The following RGCC variants were observed in gnomAD, a reference collection of about 807,000 sequenced individuals.
RGCC encodes regulator of cell cycle RGCC.
In RGCC, 15 loss-of-function variants were observed where a neutral mutation model predicts 15.4. The ratio of observed to expected loss-of-function variants is 0.97; its 90% confidence interval spans 0.65 to 1.50. The LOEUF (loss-of-function observed/expected upper bound fraction) is 1.50. Among genes scored for constraint, RGCC ranks in the 40% most tolerant of loss-of-function variants. RGCC has a pLI of 0.00. For synonymous variants in RGCC, 81 were observed against 78.0 expected, an observed-to-expected ratio of 1.04 and a Z score of -0.20; for missense variants, 176 against 189.7, an observed-to-expected ratio of 0.93 and a Z score of 0.42.
At chr13:41,468,925 C>T in intron 4 of RGCC, 87 bp downstream of exon 4, 1 of 1,056,564 alleles carries the variant, frequency 9.5e-7, no homozygotes, top group South Asian at 1.4e-5. Flanking sequence ...CCAGCTTGCC[C>T]TGGGGCAGAA....
At chr13:41,465,841 T>C (rs999787801) in intron 2 of RGCC, among the ~76,000 whole-genome samples, 3 of 152,024 alleles carry the variant, frequency 2.0e-5, no homozygotes, top group African/African-American at 7.2e-5. Flanking sequence ...AGAGCAAAGA[T>C]CTCTCTTGAG....
chr13:41,458,304 G>T lies in RGCC; in HGVS notation c.69G>T (p.Ala23=). Residue 23 remains alanine (A), a synonymous_variant, in exon 2 of 5, where the codon GCG becomes GCT. Transcript: ENST00000379359. This position sits in a 1 kb window ranked among gnomAD's most constrained non-coding sequence, Gnocchi z 4.4. ...CCGCAGCCCCGGCCCTGGACTCGGC[G>T]GCCGCGGAGGACCTGTCGGACGCGC... ...AAAAAPALDS[A]AAEDLSDALC... 5 of 1,579,234 alleles carry T rather than the reference G, an allele frequency of 3.2e-6. No homozygotes were observed. The highest frequency in any genetic ancestry group is 3.4e-6 in the Non-Finnish European group (4 of 1,169,930).
At chr13:41,470,403 G>C in intron 4 of RGCC, 75 bp from the exon 5 acceptor site, 1 of 1,460,116 alleles carries the variant, frequency 6.8e-7, no homozygotes, top group Non-Finnish European at 9.6e-7. Flanking sequence ...ATGCACGTCT[G>C]AGACAGTGTG....
chr13:41,457,726 C>G lies in RGCC; in HGVS notation c.19C>G (p.Gln7Glu). 1 of 1,427,398 alleles carries G rather than the reference C, an allele frequency of 7.0e-7. No individual in the cohort carries two copies. Among genetic ancestry groups the G allele is most frequent in the South Asian group, 1.5e-5 (1 of 66,260 alleles). 88.4% of individuals were successfully genotyped at this position (1,427,398 alleles called of 1,614,324 possible). The change falls in exon 1 of 5, where the codon CAG becomes GAG. Residue 7 changes from glutamine (Q) to glutamate (E), a missense_variant. Gln to Glu is a conservative substitution (Grantham distance 29). Coordinates refer to ENST00000379359, the MANE Select transcript of RGCC (RefSeq NM_014059.3). The surrounding 1 kb of genome is among the most constrained non-coding windows in gnomAD (Gnocchi z 4.9). MKPPAAQGSPAAAAAAA... is the reference protein window; with the variant it reads MKPPAAEGSPAAAAAAA... ...CCGCCTCATGAAGCCGCCCGCGGCG[C>G]AGGGCAGCCCCGCGGCCGCCGCGGC... is the stretch of plus-strand genomic sequence containing the variant.
At chr13:41,462,605 G>T (rs570424830) in intron 2 of RGCC, among the ~76,000 whole-genome samples, 2 of 152,134 alleles carry the variant, frequency 1.3e-5, no homozygotes, top group African/African-American at 4.8e-5. Flanking sequence ...TAGGTCCTTC[G>T]AGCCCCTATT....
chr13:41,457,737 C>A lies in RGCC; in HGVS notation c.30C>A (p.Pro10=), dbSNP rs2043799630. 2 of 1,401,620 alleles carry A rather than the reference C, an allele frequency of 1.4e-6. No individual in the cohort carries two copies. Among genetic ancestry groups the A allele is most frequent in the Non-Finnish European group, 9.2e-7 (1 of 1,083,076 alleles). The allele number at this position is 1,401,620 out of a possible 1,614,324, so 86.8% of individuals were successfully genotyped here. The change falls in exon 1 of 5, where the codon CCC becomes CCA. Residue 10 remains proline, a synonymous_variant. Coordinates refer to ENST00000379359, the MANE Select transcript of RGCC (RefSeq NM_014059.3). The surrounding 1 kb of genome is among the most constrained non-coding windows in gnomAD (Gnocchi z 4.9). ...AGCCGCCCGCGGCGCAGGGCAGCCC[C>A]GCGGCCGCCGCGGCCGCAGGTGAGT... is the stretch of plus-strand genomic sequence containing the variant. The part of the protein sequence containing the change: MKPPAAQGS[P]AAAAAAAPAL...
Position 41,458,467 on chromosome 13 carries a change from G to T in RGCC, c.232G>T (p.Glu78Ter). 1 of 1,595,282 alleles carries T rather than the reference G, an allele frequency of 6.3e-7. No individual in the cohort carries two copies. Among genetic ancestry groups the T allele is most frequent in the Non-Finnish European group, 8.5e-7 (1 of 1,176,130 alleles). ...VSDSSGFSDS[E>*]SADSLYRNSF... ...CGACAGCAGCGGCTTCAGCGACTCG[G>T]AGAGTAAGTGCGGCCCCCGCTAGGA... is the stretch of plus-strand genomic sequence containing the variant. The change falls in exon 2 of 5, where the codon GAG (glutamate) becomes TAG (stop). Residue 78 changes from glutamate to a stop codon, truncating the protein, a stop_gained. Transcript: ENST00000379359. LOFTEE classifies it high-confidence loss of function. The surrounding 1 kb of genome is among the most constrained non-coding windows in gnomAD (Gnocchi z 4.4).
rs2043808038 is a variant in RGCC at position 41,458,989 on chromosome 13, C to G, written c.235+519C>G. On this transcript the variant is annotated intron_variant, in intron 2 of 4. Transcript: ENST00000379359. The surrounding 1 kb of genome is among the most constrained non-coding windows in gnomAD (Gnocchi z 4.4). ...GCCCTTAGCTCTCAGACTTGTTGCT[C>G]CATTGCATGCAGTTATGAAAATCTT... Among the ~76,000 whole-genome samples the G allele has an allele frequency of 6.6e-6, 1 of 152,148 alleles. No individual in the cohort carries two copies. Among genetic ancestry groups the G allele is most frequent in the Non-Finnish European group, 1.5e-5 (1 of 68,020 alleles).
intron 2 of RGCC, among the ~76,000 whole-genome samples, chr13:41,466,471 C>T (rs1413768171): frequency 1.3e-5 from 2 of 152,188 alleles, no homozygotes; most frequent in Non-Finnish European, 2.9e-5. Context: ...TCACTGCAAA[C>T]TCCACCTCCC....
intron 2 of RGCC, 114 bp from the exon 3 acceptor site, chr13:41,466,709 T>G: frequency 1.3e-6 from 1 of 742,044 alleles, no homozygotes; most frequent in Admixed American, 2.2e-5. Flanking sequence ...TACTATAGAG[T>G]TGCAGCTTTG....
chr13:41,465,410 C>A (rs1285523495), intron 2 of RGCC, among the ~76,000 whole-genome samples: 1 of 152,214 alleles, frequency 6.6e-6, no homozygotes, highest in South Asian at 2.1e-4. Flanking sequence ...TGAGTCACAG[C>A]CACACAGCTG....
chr13:41,469,138 G>A (rs1427272411), intron 4 of RGCC, among the ~76,000 whole-genome samples: 2 of 152,036 alleles, frequency 1.3e-5, no homozygotes, highest in Admixed American at 6.5e-5. Flanking sequence ...GCGCACACCT[G>A]TAGTCCCAGC....
chr13:41,461,063 G>C (rs2043818850), intron 2 of RGCC, among the ~76,000 whole-genome samples: 1 of 152,174 alleles, frequency 6.6e-6, no homozygotes, highest in Admixed American at 6.5e-5. Context: ...AAGAAGAACA[G>C]ATATTTAATA....
intron 3 of RGCC, 38 bp from the exon 4 acceptor site, chr13:41,468,738 C>T: frequency 4.4e-6 from 3 of 678,718 alleles, no homozygotes; most frequent in Non-Finnish European, 6.2e-6. Flanking sequence ...GGAAACTGAA[C>T]TCTCTCTCTC....
At position 41,457,867 on chromosome 13, in the gene RGCC, G is replaced by A; in HGVS notation, c.49+111G>A. 2.3e-6 allele frequency: 3 copies of A among 1,323,684 alleles called. No homozygotes were observed. Among genetic ancestry groups the A allele is most frequent in the Non-Finnish European group, 2.9e-6 (3 of 1,030,410 alleles). 82.0% of individuals were successfully genotyped at this position (1,323,684 alleles called of 1,614,324 possible). ...ACCCCCCACCCTTCCATCCTCCCCG[G>A]CGGGAACCTGTCCCCGGTCTTCCCG... On this transcript the variant is annotated intron_variant, in intron 1 of 4. Coordinates refer to ENST00000379359, the MANE Select transcript of RGCC (RefSeq NM_014059.3). The surrounding 1 kb of genome is among the most constrained non-coding windows in gnomAD (Gnocchi z 4.9).
intron 2 of RGCC, among the ~76,000 whole-genome samples, chr13:41,466,581 GT>G (rs2043850536): frequency 6.6e-6 from 1 of 152,078 alleles, no homozygotes; most frequent in Non-Finnish European, 1.5e-5. Context: ...TAGAGATGGG[GT>G]TTCACCATGT....
At chr13:41,468,678 T>C in intron 3 of RGCC, 98 bp from the exon 4 acceptor site, 1 of 863,016 alleles carries the variant, frequency 1.2e-6, no homozygotes, top group Non-Finnish European at 1.9e-6. Flanking sequence ...ACTCTGGAAG[T>C]TCCAACTTCC....
At chr13:41,468,997 C>T (rs915006371) in intron 4 of RGCC, among the ~76,000 whole-genome samples, 159 bp downstream of exon 4, 6 of 152,176 alleles carry the variant, frequency 3.9e-5, no homozygotes, top group Middle Eastern at 3.2e-3. Flanking sequence ...CAGTGGCTCA[C>T]GCCTGTAATC....
intron 3 of RGCC, among the ~76,000 whole-genome samples, chr13:41,467,264 T>C (rs9594551): frequency 0.15 from 22,743 of 152,212 alleles, 1,774 homozygotes; most frequent in African/African-American, 0.17. Flanking sequence ...GACTTGTTGG[T>C]TCTAGAATTT....
Sources: allele counts gnomAD v4.1 joint callset (sites outside exome capture counted in the v4.1 genomes callset), GRCh38; gene constraint gnomAD v4.1.1; non-coding constraint Gnocchi (gnomAD v3.1); transcripts MANE v1.5; gene names NCBI Gene and HGNC (gene_info 2026-07-23, HGNC 2026-07-21).